Variants in PRKAA2 observed in about 807,000 individuals in gnomAD.
PRKAA2 encodes 5'-AMP-activated protein kinase catalytic subunit alpha-2.
In PRKAA2, 40 loss-of-function variants were observed where a neutral mutation model predicts 56.3. That is an observed-to-expected ratio of 0.71 (90% CI 0.55 to 0.92). PRKAA2 has a LOEUF of 0.92. Ranked by LOEUF, PRKAA2 falls within the 40% of genes least tolerant of loss-of-function variation. The pLI, the probability that PRKAA2 is intolerant of heterozygous loss-of-function variation, is 0.00. For missense variants in PRKAA2, 542 were observed against 686.9 expected, an observed-to-expected ratio of 0.79 and a Z score of 2.36; for synonymous variants, 214 against 234.2, an observed-to-expected ratio of 0.91 and a Z score of 0.79.
chr1:56,712,379 T>A lies in PRKAA2; in HGVS notation c.*4666T>A, dbSNP rs1644374378. 1 of 152,212 alleles carries A rather than the reference T, an allele frequency of 6.6e-6. No individual in the cohort carries two copies. The highest frequency in any genetic ancestry group is 2.1e-4 in the South Asian group (1 of 4,830). 9.4% of individuals were successfully genotyped at this position (152,212 alleles called of 1,614,324 possible). A position where few individuals can be genotyped will look rare whatever the true frequency, so the allele number is the denominator to read the frequency against. ...GTAGTCTTAAATAAATAGTTCTTAG[T>A]TTATTTTAAGCAGTTGATTGTACTA... is the stretch of plus-strand genomic sequence containing the variant. On this transcript the variant is annotated 3_prime_UTR_variant, in exon 9 of 9. Coordinates refer to ENST00000371244, the MANE Select transcript of PRKAA2 (RefSeq NM_006252.4).
chr1:56,679,133 T>C (rs1438305747), intron 2 of PRKAA2, among the ~76,000 whole-genome samples: 1 of 152,218 alleles, frequency 6.6e-6, no homozygotes, highest in Non-Finnish European at 1.5e-5. Context: ...TTGTTTATTC[T>C]GAAAACTTTC....
chr1:56,655,222 T>TA (rs1337044995), intron 1 of PRKAA2, among the ~76,000 whole-genome samples: 3 of 147,708 alleles, frequency 2.0e-5, no homozygotes. Flanking sequence ...ATTTTCTTTT[T>TA]AAAAAAATCA....
rs747529167 is a variant in PRKAA2, at chr1:56,706,107, C to T, written c.1309C>T (p.His437Tyr). The T allele has an allele frequency of 3.1e-6, 5 of 1,608,958 alleles. No individual in the cohort carries two copies. Among genetic ancestry groups the T allele is most frequent in the Admixed American group, 1.7e-5 (1 of 59,870 alleles). ...DFEWKVVNAY[H>Y]LRVRRKNPVT... Reference sequence around the variant, plus strand: ...TTCACTTTAGGTAGTGAATGCATACCATCTTCGTGTAAGAAGAAAAAATCC... The same window carrying T: ...TTCACTTTAGGTAGTGAATGCATACTATCTTCGTGTAAGAAGAAAAAATCC... Residue 437 changes from histidine (H) to tyrosine (Y), a missense_variant, in exon 8 of 9, where the codon CAT becomes TAT. By Grantham distance (83) the His-to-Tyr change is moderately conservative. Coordinates refer to ENST00000371244, the MANE Select transcript of PRKAA2 (RefSeq NM_006252.4).
chr1:56,671,091 T>G lies in PRKAA2; in HGVS notation c.95-3290T>G, dbSNP rs139736608. ...GCCTTTTCTTTTAATTTCTTTTGTT[T>G]CGATTTACACAAACAAAAGTTTATA... On this transcript the variant is annotated intron_variant, in intron 1 of 8. Transcript: ENST00000371244. Among the ~76,000 whole-genome samples, 115 of 152,316 alleles carry G rather than the reference T, an allele frequency of 7.6e-4. 1 individual carries two copies. Among genetic ancestry groups the G allele is most frequent in the African/African-American group, 2.5e-3 (104 of 41,592 alleles).
Position 56,711,799 on chromosome 1 carries a change from A to G in PRKAA2, c.*4086A>G. 6.6e-6 allele frequency: 1 copy of G among 152,274 alleles called. No individual in the cohort carries two copies. Among genetic ancestry groups the G allele is most frequent in the East Asian group, 1.9e-4 (1 of 5,186 alleles). 9.4% of individuals were successfully genotyped at this position (152,274 alleles called of 1,614,324 possible). ...CACTTCTAAGGTACCTTTGAGCTTT[A>G]AAGTTCTTTTCTGCTTTTCCATATG... On this transcript the variant is annotated 3_prime_UTR_variant, in exon 9 of 9. Coordinates refer to ENST00000371244, the MANE Select transcript of PRKAA2 (RefSeq NM_006252.4).
intron 1 of PRKAA2, among the ~76,000 whole-genome samples, chr1:56,651,416 A>T (rs1395437533): frequency 6.6e-6 from 1 of 152,170 alleles, no homozygotes; most frequent in African/African-American, 2.4e-5. Context: ...CCATTTAACA[A>T]ATGAAGAAAT....
At chr1:56,684,174 A>G (rs1260709447) in intron 2 of PRKAA2, among the ~76,000 whole-genome samples, 3 of 152,160 alleles carry the variant, frequency 2.0e-5, no homozygotes, top group Non-Finnish European at 4.4e-5. Context: ...GCCTCGGCGA[A>G]AAAACAAGGA....
At chr1:56,704,974 T>TA (rs536202140) in intron 7 of PRKAA2, among the ~76,000 whole-genome samples, 203 of 152,260 alleles carry the variant, frequency 1.3e-3, no homozygotes, top group East Asian at 7.3e-3. Flanking sequence ...TTTTAATACT[T>TA]AGAGTACATT....
intron 2 of PRKAA2, among the ~76,000 whole-genome samples, chr1:56,688,848 G>A (rs1342468218): frequency 6.6e-6 from 1 of 152,166 alleles, no homozygotes; most frequent in African/African-American, 2.4e-5. Flanking sequence ...TCCACGAGTA[G>A]AGGCACCAAC....
Position 56,704,264 on chromosome 1 carries a change from C to A in PRKAA2, c.1082C>A (p.Pro361Gln). Residue 361 changes from proline to glutamine, a missense_variant, in exon 7 of 9, where the codon CCA (proline) becomes CAA (glutamine). Pro to Gln is a moderately conservative substitution (Grantham distance 76). This residue lies in a region of PRKAA2 where 198 missense variants were observed against 234.0 expected (regional missense o/e 0.85). Coordinates refer to ENST00000371244, the MANE Select transcript of PRKAA2 (RefSeq NM_006252.4). Reference protein sequence around the residue: ...FMDDSAMHIPPGLKPHPERMP... With the variant: ...FMDDSAMHIPQGLKPHPERMP... ...GATGATAGTGCCATGCATATTCCCC[C>A]AGGCCTGAAACCTCATCCAGAAAGG... The A allele has an allele frequency of 6.2e-7, 1 of 1,614,064 alleles. No individual in the cohort carries two copies. The highest frequency in any genetic ancestry group is 8.5e-7 in the Non-Finnish European group (1 of 1,180,016).
chr1:56,704,810 G>T (rs1219240968), intron 7 of PRKAA2, among the ~76,000 whole-genome samples: 1 of 151,348 alleles, frequency 6.6e-6, no homozygotes, highest in African/African-American at 2.4e-5. Flanking sequence ...TTTTTTTTTA[G>T]GGAGGTTATT....
At chr1:56,648,750 A>G (rs140579651) in intron 1 of PRKAA2, among the ~76,000 whole-genome samples, 1 of 152,262 alleles carries the variant, frequency 6.6e-6, no homozygotes, top group East Asian at 1.9e-4. Context: ...TAGCCATTCT[A>G]GTGGGTGCGA....
chr1:56,681,597 C>G (rs1569758895), intron 2 of PRKAA2, among the ~76,000 whole-genome samples: 1 of 152,156 alleles, frequency 6.6e-6, no homozygotes, highest in East Asian at 1.9e-4. Flanking sequence ...TTCCCAGCAC[C>G]ATTTTTAAAT....
chr1:56,692,028 ATTTTTTTTT>A (rs397863487), intron 3 of PRKAA2, among the ~76,000 whole-genome samples: 1 of 112,804 alleles, frequency 8.9e-6, no homozygotes, highest in Non-Finnish European at 1.8e-5. Context: ...GATGTCTCAG[ATTTTTTTTT>A]TTTTTTTTTT....
chr1:56,691,202 G>A (rs1239815569), intron 2 of PRKAA2, among the ~76,000 whole-genome samples, 192 bp from the exon 3 acceptor site: 3 of 152,212 alleles, frequency 2.0e-5, no homozygotes, highest in Non-Finnish European at 2.9e-5. Context: ...ACGGCCGTGA[G>A]CCTCAAGAAA....
rs559673912 is a variant in PRKAA2 at position 56,712,008 on chromosome 1, T to C, written c.*4295T>C. ...AAACACGGTGAAACATCACATCCAT[T>C]TGGCATGAAGCAAAGCATTACAAAT... On this transcript the variant is annotated 3_prime_UTR_variant, in exon 9 of 9. Coordinates refer to ENST00000371244, the MANE Select transcript of PRKAA2 (RefSeq NM_006252.4). The C allele has an allele frequency of 4.6e-5, 7 of 152,284 alleles. No individual in the cohort carries two copies. The highest frequency in any genetic ancestry group is 1.9e-4 in the East Asian group (1 of 5,176). 9.4% of individuals were successfully genotyped at this position (152,284 alleles called of 1,614,324 possible). A position where few individuals can be genotyped will look rare whatever the true frequency, so the allele number is the denominator to read the frequency against.
At chr1:56,659,532 TTTTA>T (rs1437684855) in intron 1 of PRKAA2, among the ~76,000 whole-genome samples, 5 of 151,874 alleles carry the variant, frequency 3.3e-5, no homozygotes, top group African/African-American at 7.2e-5. Context: ...GTATTAAATA[TTTTA>T]TTTATTTATT....
chr1:56,692,318 C>T, intron 3 of PRKAA2, 40 bp from the exon 4 acceptor site: 2 of 1,612,278 alleles, frequency 1.2e-6, no homozygotes, highest in Non-Finnish European at 1.7e-6. Flanking sequence ...CTGTGCCCAG[C>T]CCCAGATATT....
At chr1:56,658,917 C>T (rs911037182) in intron 1 of PRKAA2, among the ~76,000 whole-genome samples, 3 of 151,802 alleles carry the variant, frequency 2.0e-5, no homozygotes, top group Admixed American at 1.3e-4. Flanking sequence ...GCCTTCTCTT[C>T]CTGAGTGGCT....
Sources: allele counts gnomAD v4.1 joint callset (sites outside exome capture counted in the v4.1 genomes callset), GRCh38; gene constraint gnomAD v4.1.1; regional missense constraint gnomAD v4.1.1; transcripts MANE v1.5; gene names NCBI Gene and HGNC (gene_info 2026-07-23, HGNC 2026-07-21).